The following MCC variants were observed in gnomAD, a reference collection of about 807,000 sequenced individuals.
MCC encodes MCC regulator of Wnt signaling pathway.
MCC carries 90 observed loss-of-function variants against 116.2 expected under a neutral mutation model. The ratio of observed to expected loss-of-function variants is 0.77; its 90% CI spans 0.65 to 0.92. The LOEUF (loss-of-function observed/expected upper bound fraction) is 0.92. Among genes scored for constraint, MCC ranks in the 40% least tolerant of loss-of-function variants. The pLI is 0.00. For missense variants in MCC, 1,516 were observed against 1,312.2 expected (o/e 1.16, Z -2.40); for synonymous variants, 578 against 510.5 (o/e 1.13, Z -1.78).
At chr5:113,043,418 G>GTTAC in intron 17 of MCC, 112 bp downstream of exon 17, 1 of 979,038 alleles carries the variant, frequency 1.0e-6, no homozygotes, top group South Asian at 1.4e-5. Context: ...CCAAGACATG[G>GTTAC]GTAAAGTGGA....
intron 1 of MCC, among the ~76,000 whole-genome samples, chr5:113,417,142 C>T (rs1227197368): frequency 5.9e-5 from 9 of 151,862 alleles, no homozygotes; most frequent in Non-Finnish European, 1.2e-4. Context: ...GCTAATCTTT[C>T]GTATTTTAGG....
intron 1 of MCC, among the ~76,000 whole-genome samples, chr5:113,395,075 T>C (rs1769490491): frequency 6.6e-6 from 1 of 152,224 alleles, no homozygotes; most frequent in Admixed American, 6.5e-5. Context: ...ACAAAGTTCA[T>C]TCCTTGTTCA....
At chr5:113,339,438 T>TGTGTGTGTGTGTGTGTGC (rs145838279) in intron 3 of MCC, among the ~76,000 whole-genome samples, 1 of 149,554 alleles carries the variant, frequency 6.7e-6, no homozygotes, top group African/African-American at 2.5e-5. Flanking sequence ...TGTGTGTGTG[T>TGTGTGTGTGTGTGTGTGC]GCGTGCATGT....
chr5:113,193,055 T>C (rs1470641673), intron 3 of MCC, among the ~76,000 whole-genome samples: 4 of 152,206 alleles, frequency 2.6e-5, no homozygotes, highest in African/African-American at 9.6e-5. Flanking sequence ...GCTCTTCCTA[T>C]TCTAGCTTCT....
intron 3 of MCC, among the ~76,000 whole-genome samples, chr5:113,298,232 T>A (rs745903695): frequency 3.0e-4 from 45 of 152,154 alleles, no homozygotes; most frequent in Non-Finnish European, 5.4e-4. Context: ...ATACAGAAGG[T>A]CAATTAGGGA....
intron 3 of MCC, among the ~76,000 whole-genome samples, chr5:113,187,284 T>C (rs564229575): frequency 6.6e-6 from 1 of 152,324 alleles, no homozygotes; most frequent in Admixed American, 6.5e-5. Flanking sequence ...CATTTTTGCA[T>C]TTTTCGTAGA....
At chr5:113,161,094 T>C (rs1368390124) in intron 3 of MCC, among the ~76,000 whole-genome samples, 1 of 152,194 alleles carries the variant, frequency 6.6e-6, no homozygotes, top group African/African-American at 2.4e-5. Context: ...CACTAAAAAA[T>C]CCTAACTTGT....
chr5:113,269,449 C>T (rs1237622265), intron 3 of MCC, among the ~76,000 whole-genome samples: 1 of 152,128 alleles, frequency 6.6e-6, no homozygotes, highest in African/African-American at 2.4e-5. Flanking sequence ...TTTTATCTCC[C>T]CCAAGGTGAC....
intron 1 of MCC, among the ~76,000 whole-genome samples, chr5:113,444,880 C>T (rs992076990): frequency 1.3e-5 from 2 of 152,198 alleles, no homozygotes; most frequent in Non-Finnish European, 2.9e-5. Context: ...TGTTCCATAT[C>T]ATTTATTCCC....
intron 3 of MCC, among the ~76,000 whole-genome samples, chr5:113,291,247 A>G (rs1007894935): frequency 1.3e-5 from 2 of 152,202 alleles, no homozygotes; most frequent in African/African-American, 2.4e-5. Flanking sequence ...TCCCTCGCAC[A>G]CAAATCCCTC....
chr5:113,153,777 G>C (rs1760018947), intron 3 of MCC, among the ~76,000 whole-genome samples: 2 of 152,208 alleles, frequency 1.3e-5, no homozygotes, highest in South Asian at 4.1e-4. Flanking sequence ...CAGTTTCAGA[G>C]ACTGTCTCAT....
chr5:113,434,667 G>T lies in MCC; in HGVS notation c.171-49455C>A. On this transcript the variant is annotated intron_variant, in intron 1 of 18. Coordinates refer to ENST00000408903, the MANE Select transcript of MCC (RefSeq NM_001085377.2). The surrounding 1 kb of genome is among the most constrained non-coding windows in gnomAD (Gnocchi z 4.2). ...CATGGCCAGAATCTCAATTTCCCGG[G>T]GAAGGAATTTCTCCAAGAAGTCTGC... 6.2e-7 allele frequency: 1 copy of T among 1,613,978 alleles called. No individual in the cohort carries two copies. Among genetic ancestry groups the T allele is most frequent in the Non-Finnish European group, 8.5e-7 (1 of 1,179,894 alleles).
intron 3 of MCC, among the ~76,000 whole-genome samples, chr5:113,209,501 C>T (rs1398806052): frequency 1.3e-5 from 2 of 152,146 alleles, no homozygotes; most frequent in African/African-American, 4.8e-5. Flanking sequence ...TATTTTTGAC[C>T]TATCCTGATT....
At chr5:113,454,639 C>T (rs1484270987) in intron 1 of MCC, among the ~76,000 whole-genome samples, 2 of 152,016 alleles carry the variant, frequency 1.3e-5, no homozygotes. Flanking sequence ...AAAGATGTTC[C>T]CACATTATCA....
chr5:113,213,221 T>C (rs991574091), intron 3 of MCC, among the ~76,000 whole-genome samples: 7 of 152,192 alleles, frequency 4.6e-5, no homozygotes, highest in African/African-American at 1.2e-4. Context: ...TGAAAAAGTA[T>C]GCTCATAGAA....
chr5:113,467,742 G>A (rs1771956592), intron 1 of MCC, among the ~76,000 whole-genome samples: 1 of 152,142 alleles, frequency 6.6e-6, no homozygotes, highest in African/African-American at 2.4e-5. Context: ...TAGCTTGATG[G>A]GGATGGCACT....
chr5:113,316,563 C>T (rs1457304296), intron 3 of MCC, among the ~76,000 whole-genome samples: 1 of 152,192 alleles, frequency 6.6e-6, no homozygotes, highest in Non-Finnish European at 1.5e-5. Context: ...CTACATTTCA[C>T]ATAGCCCACA....
At chr5:113,376,958 C>T (rs1003935603) in intron 2 of MCC, among the ~76,000 whole-genome samples, 2 of 152,116 alleles carry the variant, frequency 1.3e-5, no homozygotes, top group Non-Finnish European at 1.5e-5. Context: ...TGTGAAGCCA[C>T]CATTAGAGAA....
At chr5:113,309,278 G>A (rs1339769408) in intron 3 of MCC, among the ~76,000 whole-genome samples, 1 of 152,132 alleles carries the variant, frequency 6.6e-6, no homozygotes, top group Non-Finnish European at 1.5e-5. Context: ...GGACTTTTTA[G>A]TGTAGCCATC....
Sources: allele counts gnomAD v4.1 joint callset (sites outside exome capture counted in the v4.1 genomes callset), GRCh38; gene constraint gnomAD v4.1.1; non-coding constraint Gnocchi (gnomAD v3.1); transcripts MANE v1.5; gene names NCBI Gene and HGNC (gene_info 2026-07-23, HGNC 2026-07-21).